The following SH3PXD2A variants were observed in gnomAD, a reference collection of about 807,000 sequenced individuals.
The protein encoded by SH3PXD2A is SH3 and PX domain-containing protein 2A.
SH3PXD2A carries 32 observed loss-of-function variants against 115.2 expected under a neutral mutation model. The ratio of observed to expected loss-of-function variants is 0.28; its 90% confidence interval spans 0.21 to 0.37. SH3PXD2A has a LOEUF of 0.37. Ranked by LOEUF, SH3PXD2A falls within the 10% of genes least tolerant of loss-of-function variation. The probability of loss-of-function intolerance (pLI) is 1.00; values close to 1 mark genes in which losing one functional copy is unlikely to be tolerated. For synonymous variants in SH3PXD2A, 610 were observed against 629.1 expected, an observed-to-expected ratio of 0.97 and a Z score of 0.45; for missense variants, 1,328 against 1,498.7, an observed-to-expected ratio of 0.89 and a Z score of 1.88.
chr10:103,832,384 A>AAT (rs2039490933), intron 1 of SH3PXD2A, among the ~76,000 whole-genome samples: 1 of 151,484 alleles, frequency 6.6e-6, no homozygotes, highest in Non-Finnish European at 1.5e-5. Flanking sequence ...AAAAAAAAAA[A>AAT]GAAAAGAAAA....
intron 2 of SH3PXD2A, among the ~76,000 whole-genome samples, chr10:103,779,949 G>T (rs2038916728): frequency 6.6e-6 from 1 of 152,224 alleles, no homozygotes; most frequent in South Asian, 2.1e-4. Context: ...GAAGAAGGGG[G>T]AAGGGGAAGG....
intron 8 of SH3PXD2A, among the ~76,000 whole-genome samples, chr10:103,647,720 CA>C (rs2037055690): frequency 1.3e-5 from 2 of 152,192 alleles, no homozygotes; most frequent in Admixed American, 1.3e-4. Flanking sequence ...CTCTCTCCTA[CA>C]AGGAGCAGCC....
At chr10:103,837,359 T>C (rs1564901126) in intron 1 of SH3PXD2A, among the ~76,000 whole-genome samples, 1 of 152,090 alleles carries the variant, frequency 6.6e-6, no homozygotes, top group East Asian at 1.9e-4. Context: ...CAGGAGAAGT[T>C]TGCTATCCTA....
intron 6 of SH3PXD2A, among the ~76,000 whole-genome samples, chr10:103,671,889 G>A (rs2037466205): frequency 1.3e-5 from 2 of 152,222 alleles, no homozygotes; most frequent in Non-Finnish European, 2.9e-5. Flanking sequence ...CGGCCCTACA[G>A]AGCAGGGTCA....
intron 1 of SH3PXD2A, among the ~76,000 whole-genome samples, chr10:103,808,258 CT>C (rs1173942378): frequency 5.0e-4 from 72 of 143,442 alleles, no homozygotes; most frequent in Middle Eastern, 3.5e-3. Context: ...CTTTTTTTTT[CT>C]TTTTTTTTTT....
At chr10:103,766,979 G>A (rs2038761457) in intron 3 of SH3PXD2A, 115 bp downstream of exon 3, 4 of 739,010 alleles carry the variant, frequency 5.4e-6, no homozygotes, top group Admixed American at 4.4e-5. Context: ...TTCATATGCA[G>A]ATTCCTGGGC....
chr10:103,698,608 C>T (rs533755214), intron 5 of SH3PXD2A, among the ~76,000 whole-genome samples: 7 of 152,114 alleles, frequency 4.6e-5, no homozygotes, highest in South Asian at 2.1e-4. Context: ...AGGGGAGTGA[C>T]GTGGGGCTCT....
At chr10:103,821,544 G>A (rs2039379808) in intron 1 of SH3PXD2A, among the ~76,000 whole-genome samples, 1 of 151,722 alleles carries the variant, frequency 6.6e-6, no homozygotes, top group Admixed American at 6.6e-5. Context: ...ACAAGTGGGA[G>A]ATCTGTTGTT....
At chr10:103,749,592 G>T (rs978835250) in intron 3 of SH3PXD2A, among the ~76,000 whole-genome samples, 1 of 152,148 alleles carries the variant, frequency 6.6e-6, no homozygotes, top group Admixed American at 6.5e-5. Context: ...GTGTTTCATA[G>T]AACTGAGGAC....
intron 6 of SH3PXD2A, among the ~76,000 whole-genome samples, chr10:103,679,549 G>A (rs2037583255): frequency 6.6e-6 from 1 of 152,224 alleles, no homozygotes; most frequent in East Asian, 1.9e-4. Context: ...GAAGGGTGGG[G>A]GAGAGGGGAG....
chr10:103,775,185 T>C (rs368214781), intron 2 of SH3PXD2A, among the ~76,000 whole-genome samples: 3 of 152,296 alleles, frequency 2.0e-5, no homozygotes, highest in South Asian at 4.1e-4. Context: ...AGGGAGCCCA[T>C]TCCAGGTTCT....
chr10:103,668,500 C>A, intron 7 of SH3PXD2A, 108 bp downstream of exon 7: 1 of 966,662 alleles, frequency 1.0e-6, no homozygotes, highest in Non-Finnish European at 1.6e-6. Context: ...TGGCAAACAG[C>A]TGCTGCACAT....
At chr10:103,612,372 C>A (rs1366748405) in intron 12 of SH3PXD2A, among the ~76,000 whole-genome samples, 7 of 152,160 alleles carry the variant, frequency 4.6e-5, no homozygotes, top group Non-Finnish European at 1.5e-5. Flanking sequence ...TGCTAAGGCC[C>A]AGAAAGACGT....
At chr10:103,630,745 T>TAAAA (rs57562821) in intron 8 of SH3PXD2A, among the ~76,000 whole-genome samples, 1 of 117,426 alleles carries the variant, frequency 8.5e-6, no homozygotes, top group Non-Finnish European at 1.7e-5. Flanking sequence ...TCCCTTCTCT[T>TAAAA]AAAAAAAAAA....
intron 1 of SH3PXD2A, among the ~76,000 whole-genome samples, chr10:103,851,143 G>A (rs2134331243): frequency 3.8e-5 from 2 of 52,634 alleles, no homozygotes; most frequent in Non-Finnish European, 7.3e-5. Context: ...CAATCTAAGG[G>A]CTGAGAAAAA....
intron 2 of SH3PXD2A, among the ~76,000 whole-genome samples, chr10:103,768,208 C>A (rs2038779818): frequency 6.6e-6 from 1 of 152,196 alleles, no homozygotes; most frequent in Non-Finnish European, 1.5e-5. Context: ...AAACAGCAAA[C>A]AAGTAAGAAT....
intron 1 of SH3PXD2A, among the ~76,000 whole-genome samples, chr10:103,815,673 G>A (rs185325297): frequency 7.9e-5 from 12 of 151,668 alleles, no homozygotes; most frequent in Non-Finnish European, 1.5e-4. Context: ...GGCGGATCAC[G>A]GAGTCAGGAG....
At chr10:103,794,061 A>G (rs970816941) in intron 2 of SH3PXD2A, among the ~76,000 whole-genome samples, 1 of 152,220 alleles carries the variant, frequency 6.6e-6, no homozygotes, top group African/African-American at 2.4e-5. Flanking sequence ...ATCAGTACAC[A>G]CCCACACCCA....
At chr10:103,683,752 C>A (rs989376884) in intron 6 of SH3PXD2A, among the ~76,000 whole-genome samples, 1 of 152,176 alleles carries the variant, frequency 6.6e-6, no homozygotes, top group Non-Finnish European at 1.5e-5. Flanking sequence ...GCTGTCCCTC[C>A]TGCAGGGTGC....
Sources: allele counts gnomAD v4.1 joint callset (sites outside exome capture counted in the v4.1 genomes callset), GRCh38; gene constraint gnomAD v4.1.1; transcripts MANE v1.5; gene names NCBI Gene and HGNC (gene_info 2026-07-23, HGNC 2026-07-21).